The following PLXNA4 variants were observed in gnomAD, a reference collection of about 807,000 sequenced individuals.
PLXNA4 encodes plexin A4, also known as plexin-A4.
A neutral mutation model predicts 191.8 loss-of-function variants in PLXNA4; 44 were observed. The ratio of observed to expected loss-of-function variants is 0.23; its 90% CI spans 0.18 to 0.29. The LOEUF is 0.29. Among genes scored for constraint, PLXNA4 ranks in the 10% least tolerant of loss-of-function variants. The probability of loss-of-function intolerance (pLI) is 1.00; values close to 1 mark genes in which losing one functional copy is unlikely to be tolerated. For missense variants in PLXNA4, 1,800 were observed against 2,488.8 expected (o/e 0.72, Z 5.89); for synonymous variants, 1,082 against 1,009.5 (o/e 1.07, Z -1.36).
intron 3 of PLXNA4, among the ~76,000 whole-genome samples, chr7:132,395,482 C>G (rs1179414101): frequency 6.6e-6 from 1 of 152,190 alleles, no homozygotes; most frequent in East Asian, 1.9e-4. Flanking sequence ...TGATGCAGCA[C>G]TGAGTGGGGG....
intron 3 of PLXNA4, among the ~76,000 whole-genome samples, chr7:132,429,433 A>G (rs1183249939): frequency 6.6e-6 from 1 of 152,160 alleles, no homozygotes; most frequent in Non-Finnish European, 1.5e-5. Flanking sequence ...GGGCCATGCA[A>G]TCTCTGTAGC....
chr7:132,482,924 C>A (rs1307141876), intron 3 of PLXNA4, among the ~76,000 whole-genome samples: 1 of 152,072 alleles, frequency 6.6e-6, no homozygotes, highest in Admixed American at 6.5e-5. Context: ...AACTCCTGAC[C>A]TCATGATCTG....
At chr7:132,465,805 G>T (rs989074280) in intron 3 of PLXNA4, among the ~76,000 whole-genome samples, 8 of 152,148 alleles carry the variant, frequency 5.3e-5, no homozygotes, top group African/African-American at 1.4e-4. Context: ...AAGACCCAGA[G>T]GAGACCACTT....
Position 132,557,549 on chromosome 7 carries a change from T to TAA in PLXNA4, c.-87+18871_-87+18872dup, listed in dbSNP as rs113064440. ...ATTTTCCTTTAATTTATCTTTTTTT[T>TAA]AAAAAAAAAAAAGTTTTCACCTTTG... On this transcript the variant is annotated intron_variant, in intron 1 of 31. Transcript: ENST00000321063. 5.9e-4 allele frequency among the ~76,000 whole-genome samples: 87 copies of TAA among 148,216 alleles called. 1 individual carries two copies. The highest frequency in any genetic ancestry group is 3.4e-3 in the Middle Eastern group (1 of 290).
intron 3 of PLXNA4, among the ~76,000 whole-genome samples, chr7:132,416,478 C>T (rs530805856): frequency 1.3e-5 from 2 of 152,318 alleles, no homozygotes; most frequent in South Asian, 4.1e-4. Flanking sequence ...AGGCTCTTCC[C>T]ATCCCACCCA....
In PLXNA4 at chr7:132,557,549, TAA is replaced by T. The variant is rs113064440; in HGVS notation, c.-87+18871_-87+18872del. Among the ~76,000 whole-genome samples, 4 of 148,142 alleles carry T rather than the reference TAA, an allele frequency of 2.7e-5. No individual in the cohort carries two copies. The East Asian group carries it at 5.9e-4, about 22-fold the overall frequency. ...ATTTTCCTTTAATTTATCTTTTTTTTAAAAAAAAAAAAGTTTTCACCTTTGCA... is the reference window on the plus strand; with the variant it reads ...ATTTTCCTTTAATTTATCTTTTTTTTAAAAAAAAAAGTTTTCACCTTTGCA... On this transcript the variant is annotated intron_variant, in intron 1 of 31. Transcript: ENST00000321063.
At chr7:132,484,907 TACAC>T in intron 3 of PLXNA4, 1 of 1,614,212 alleles carries the variant, frequency 6.2e-7, no homozygotes, top group Non-Finnish European at 8.5e-7. Context: ...GCACTGAAGA[TACAC>T]ACACAGCATC....
At chr7:132,581,480 G>A (rs187037306), upstream of PLXNA4, among the ~76,000 whole-genome samples, 4 of 152,324 alleles carry the variant, frequency 2.6e-5, no homozygotes, top group East Asian at 1.9e-4. Flanking sequence ...GTCAGAGACC[G>A]CCACTGGTGG....
intron 25 of PLXNA4, among the ~76,000 whole-genome samples, chr7:132,157,563 G>T (rs1795833597): frequency 6.6e-6 from 1 of 152,164 alleles, no homozygotes; most frequent in Admixed American, 6.5e-5. Context: ...GCTGCATGCA[G>T]GTGCTCCTTC....
At chr7:132,581,479 C>T (rs536246850), upstream of PLXNA4, among the ~76,000 whole-genome samples, 5 of 152,328 alleles carry the variant, frequency 3.3e-5, no homozygotes, top group Middle Eastern at 3.4e-3. Context: ...TGTCAGAGAC[C>T]GCCACTGGTG....
chr7:132,223,677 C>A lies in PLXNA4; in HGVS notation c.1983-36G>T, dbSNP rs765949511. 2.7e-5 allele frequency: 42 copies of A among 1,544,972 alleles called. No homozygotes were observed. In the Middle Eastern group the frequency reaches 5.1e-4, roughly 19 times the overall value. The stretch of plus-strand genomic sequence containing the variant: ...GGGAAGGGAGGCACAAATCTAAGAA[C>A]CTGGATGAGCCCAAAGCAGAGGGCT... On this transcript the variant is annotated intron_variant, in intron 8 of 31. Coordinates refer to ENST00000321063, the MANE Select transcript of PLXNA4 (RefSeq NM_020911.2).
intron 21 of PLXNA4, among the ~76,000 whole-genome samples, chr7:132,169,540 A>G (rs1796221618): frequency 1.3e-5 from 2 of 152,266 alleles, no homozygotes; most frequent in South Asian, 2.1e-4. Context: ...GCTACACACA[A>G]TAACAGGATG....
intron 3 of PLXNA4, among the ~76,000 whole-genome samples, chr7:132,436,840 T>A (rs530186561): frequency 6.1e-5 from 9 of 148,118 alleles, no homozygotes; most frequent in Non-Finnish European, 1.3e-4. Flanking sequence ...TGGGATGCGG[T>A]CCCTGTTGGT....
intron 3 of PLXNA4, among the ~76,000 whole-genome samples, chr7:132,401,549 C>T (rs1292938896): frequency 3.9e-5 from 6 of 152,174 alleles, no homozygotes; most frequent in Non-Finnish European, 8.8e-5. Context: ...AACTGCTGAA[C>T]AGACGCATAA....
chr7:132,477,183 T>G (rs1160482519), intron 3 of PLXNA4, among the ~76,000 whole-genome samples: 4 of 152,196 alleles, frequency 2.6e-5, no homozygotes, highest in Admixed American at 2.0e-4. Context: ...AAATAAACCT[T>G]ATGATAAACT....
intron 4 of PLXNA4, among the ~76,000 whole-genome samples, chr7:132,264,510 A>G (rs530004840): frequency 1.3e-5 from 2 of 152,122 alleles, no homozygotes; most frequent in African/African-American, 4.8e-5. Context: ...GAGACACTTA[A>G]AAGTAGGCAG....
rs1287133497 is a variant in PLXNA4, at chr7:132,126,041, TTTGCTCGG to T, written c.*4430_*4437del. 6.6e-6 allele frequency: 1 copy of T among 152,252 alleles called. No individual in the cohort carries two copies. Among genetic ancestry groups the T allele is most frequent in the Non-Finnish European group, 1.5e-5 (1 of 68,092 alleles). The allele number at this position is 152,252 out of a possible 1,614,324, so 9.4% of individuals were successfully genotyped here. A position where few individuals can be genotyped will look rare whatever the true frequency, so the allele number is the denominator to read the frequency against. On this transcript the variant is annotated 3_prime_UTR_variant, in exon 32 of 32. Coordinates refer to ENST00000321063, the MANE Select transcript of PLXNA4 (RefSeq NM_020911.2). ...CCTTGACTGATAACAATACTGGCCC[TTTGCTCGG>T]TTAAGTATTTGACTTCACATTACTG...
intron 2 of PLXNA4, among the ~76,000 whole-genome samples, chr7:132,645,740 C>A (rs1382078896): frequency 1.3e-5 from 2 of 152,124 alleles, no homozygotes; most frequent in African/African-American, 4.8e-5. Context: ...GTCTCACAGA[C>A]ACAAGTTGGG....
chr7:132,218,091 C>T (rs1798025678), intron 9 of PLXNA4, among the ~76,000 whole-genome samples: 1 of 151,968 alleles, frequency 6.6e-6, no homozygotes, highest in African/African-American at 2.4e-5. Flanking sequence ...GCTCCTGTCT[C>T]AGGGCATGGG....
Sources: gnomAD v4.1 joint callset for allele counts (sites outside exome capture counted in the v4.1 genomes callset) on GRCh38, gnomAD v4.1.1 for gene constraint, MANE v1.5 for transcripts, NCBI Gene and HGNC (gene_info 2026-07-23, HGNC 2026-07-21) for gene names.